LRRIQ3: variants seen among roughly 807,000 people sequenced by gnomAD.
LRRIQ3 encodes leucine rich repeats and IQ motif containing 3.
In LRRIQ3, 75 loss-of-function variants were observed where a neutral mutation model predicts 59.3. The observed-to-expected ratio is 1.26, with a 90% confidence interval of 1.05 to 1.53. The LOEUF is 1.53. Ranked by LOEUF, LRRIQ3 falls within the 40% of genes most tolerant of loss-of-function variation. The pLI, the probability that LRRIQ3 is intolerant of heterozygous loss-of-function variation, is 0.00. For synonymous variants in LRRIQ3, 250 were observed against 231.3 expected (o/e 1.08, Z -0.73); for missense variants, 831 against 710.0 (o/e 1.17, Z -1.94).
chr1:74,138,889 A>G lies in LRRIQ3; in HGVS notation c.707+16844T>C, dbSNP rs1384674783. ...ATACAGCCCCCAGTCCACTTATCAT[A>G]GAAAATAGGAGAGTGGCTGGGCGTG... On this transcript the variant is annotated intron_variant, in intron 4 of 7. Transcript: ENST00000354431. Among the ~76,000 whole-genome samples the G allele has an allele frequency of 5.9e-5, 9 of 151,782 alleles. No homozygotes were observed. In the East Asian group the frequency reaches 1.2e-3, roughly 20 times the overall value.
At chr1:74,030,729 C>G (rs1025368669) in intron 7 of LRRIQ3, among the ~76,000 whole-genome samples, 1 of 151,946 alleles carries the variant, frequency 6.6e-6, no homozygotes, top group African/African-American at 2.4e-5. Context: ...AAACACCAAA[C>G]GCAATGGCAA....
chr1:74,158,344 C>G (rs941044894), intron 3 of LRRIQ3, among the ~76,000 whole-genome samples: 1 of 152,122 alleles, frequency 6.6e-6, no homozygotes, highest in Admixed American at 6.6e-5. Context: ...AGACAAATTA[C>G]AAATGTCTTG....
Position 74,182,631 on chromosome 1 carries a change from A to G in LRRIQ3, c.480T>C (p.Ser160=). Residue 160 remains serine (S), a synonymous_variant, in exon 3 of 8, where the codon TCT becomes TCC. Coordinates refer to ENST00000354431, the MANE Select transcript of LRRIQ3 (RefSeq NM_001105659.2). Reference sequence around the variant, plus strand: ...GCCAGTTCTGAATTATTTCTTCATCAGAAATCACATGATGATCCAGCGCTT... The same window carrying G: ...GCCAGTTCTGAATTATTTCTTCATCGGAAATCACATGATGATCCAGCGCTT... ...PLKALDHHVI[S]DEEIIQNWHL... is the part of the protein sequence containing the mutation. 1 of 1,610,512 alleles carries G rather than the reference A, an allele frequency of 6.2e-7. No homozygotes were observed. Among genetic ancestry groups the G allele is most frequent in the Non-Finnish European group, 8.5e-7 (1 of 1,177,866 alleles).
At chr1:74,191,301 G>T (rs1025863827) in intron 1 of LRRIQ3, among the ~76,000 whole-genome samples, 1 of 152,068 alleles carries the variant, frequency 6.6e-6, no homozygotes, top group Non-Finnish European at 1.5e-5. Context: ...GTTAAAAGAA[G>T]TTCTGAGAGA....
chr1:74,030,559 T>C (rs1653672737), intron 7 of LRRIQ3, among the ~76,000 whole-genome samples: 1 of 152,198 alleles, frequency 6.6e-6, no homozygotes, highest in African/African-American at 2.4e-5. Flanking sequence ...GCTAGCCATA[T>C]GTAGAAAGCT....
intron 7 of LRRIQ3, among the ~76,000 whole-genome samples, chr1:74,029,834 T>G (rs1398451295): frequency 6.6e-6 from 1 of 152,044 alleles, no homozygotes; most frequent in African/African-American, 2.4e-5. Flanking sequence ...GTCCTGGACT[T>G]TTTTTGGTTG....
At chr1:74,158,559 T>G (rs1266618458) in intron 3 of LRRIQ3, among the ~76,000 whole-genome samples, 2 of 152,178 alleles carry the variant, frequency 1.3e-5, no homozygotes, top group Non-Finnish European at 2.9e-5. Context: ...TTTCTTGATG[T>G]TGATCTGCAT....
chr1:74,105,934 G>A (rs1026372303), intron 5 of LRRIQ3, among the ~76,000 whole-genome samples: 2 of 151,948 alleles, frequency 1.3e-5, no homozygotes, highest in Non-Finnish European at 2.9e-5. Context: ...GTTTTCTGGA[G>A]GTATACAAAG....
rs531718923 is a variant in LRRIQ3, at chr1:74,163,507, A to T, written c.574-7641T>A. The stretch of plus-strand genomic sequence containing the variant: ...TAAGTGTGCTAGGCAGTGAAAATAT[A>T]ATTTTTCTATTGTTGAAATAATTTT... On this transcript the variant is annotated intron_variant, in intron 3 of 7. Transcript: ENST00000354431. Among the ~76,000 whole-genome samples, 6 of 151,698 alleles carry T rather than the reference A, an allele frequency of 4.0e-5. No homozygotes were observed. The South Asian group carries it at 1.2e-3, about 31-fold the overall frequency.
chr1:74,168,333 A>G (rs1649119655), intron 3 of LRRIQ3, among the ~76,000 whole-genome samples: 1 of 152,012 alleles, frequency 6.6e-6, no homozygotes, highest in East Asian at 1.9e-4. Context: ...ATGATATAAC[A>G]TCTCTCTCCA....
intron 7 of LRRIQ3, among the ~76,000 whole-genome samples, 196 bp from the exon 8 acceptor site, chr1:74,027,165 G>A (rs1183993864): frequency 4.6e-5 from 7 of 151,966 alleles, no homozygotes; most frequent in Middle Eastern, 3.2e-3. Context: ...ATATCTATAA[G>A]CTATAATTAA....
chr1:74,094,314 AG>A (rs753061346), intron 5 of LRRIQ3, among the ~76,000 whole-genome samples: 7 of 152,186 alleles, frequency 4.6e-5, no homozygotes, highest in South Asian at 4.1e-4. Context: ...GATGTGATTA[AG>A]GATGTTGAGA....
intron 5 of LRRIQ3, among the ~76,000 whole-genome samples, chr1:74,090,819 A>G (rs183617555): frequency 6.0e-4 from 92 of 152,242 alleles, no homozygotes; most frequent in Non-Finnish European, 1.1e-3. Flanking sequence ...GCTTGAGTCC[A>G]GGAGGTCAAG....
chr1:74,069,630 A>C (rs965386117), intron 6 of LRRIQ3, among the ~76,000 whole-genome samples: 3 of 152,070 alleles, frequency 2.0e-5, no homozygotes, highest in African/African-American at 7.2e-5. Context: ...TAGCAAAATC[A>C]ATCAGCAGCT....
chr1:74,157,174 G>A (rs972490417), intron 3 of LRRIQ3, among the ~76,000 whole-genome samples: 6 of 151,858 alleles, frequency 4.0e-5, no homozygotes, highest in Non-Finnish European at 7.4e-5. Flanking sequence ...TACTCTTCCA[G>A]TCCATTCCCT....
intron 4 of LRRIQ3, among the ~76,000 whole-genome samples, chr1:74,119,983 A>T (rs1042076957): frequency 7.9e-5 from 12 of 152,188 alleles, no homozygotes; most frequent in African/African-American, 2.9e-4. Flanking sequence ...TTATGTTTAA[A>T]CATAAACTTA....
At chr1:74,194,360 C>G (rs1179021168) in intron 1 of LRRIQ3, among the ~76,000 whole-genome samples, 2 of 152,082 alleles carry the variant, frequency 1.3e-5, no homozygotes, top group Non-Finnish European at 2.9e-5. Context: ...GAATATAGTG[C>G]ATTTATAACT....
intron 4 of LRRIQ3, among the ~76,000 whole-genome samples, chr1:74,123,631 T>C (rs928243866): frequency 6.6e-6 from 1 of 152,076 alleles, no homozygotes; most frequent in Non-Finnish European, 1.5e-5. Context: ...AATGACAGGA[T>C]CTCATTCTTT....
At chr1:74,034,759 A>T (rs893374786) in intron 7 of LRRIQ3, among the ~76,000 whole-genome samples, 1 of 151,784 alleles carries the variant, frequency 6.6e-6, no homozygotes, top group Non-Finnish European at 1.5e-5. Context: ...AAAACACATC[A>T]GTAAATAGCT....
Sources: allele counts gnomAD v4.1 joint callset (sites outside exome capture counted in the v4.1 genomes callset), GRCh38; gene constraint gnomAD v4.1.1; transcripts MANE v1.5; gene names NCBI Gene and HGNC (gene_info 2026-07-23, HGNC 2026-07-21).